TNFRSF19: variants seen among roughly 807,000 people sequenced by gnomAD.
TNFRSF19 encodes the protein TNF receptor superfamily member 19, also known as tumor necrosis factor receptor superfamily member 19.
Under a neutral mutation model 46.4 loss-of-function variants are expected in TNFRSF19, and 27 were observed. The observed-to-expected ratio is 0.58, with a 90% CI of 0.43 to 0.80. The LOEUF (loss-of-function observed/expected upper bound fraction) is 0.80. Ranked by LOEUF, TNFRSF19 falls within the 30% of genes least tolerant of loss-of-function variation. The probability of loss-of-function intolerance (pLI) is 0.00; values close to 1 mark genes in which losing one functional copy is unlikely to be tolerated. For synonymous variants in TNFRSF19, 204 were observed against 205.0 expected, an observed-to-expected ratio of 1.00 and a Z score of 0.04; for missense variants, 511 against 530.8, an observed-to-expected ratio of 0.96 and a Z score of 0.37.
At chr13:23,622,988 A>G (rs1257309242) in intron 4 of TNFRSF19, among the ~76,000 whole-genome samples, 1 of 152,206 alleles carries the variant, frequency 6.6e-6, no homozygotes, top group Non-Finnish European at 1.5e-5. Flanking sequence ...AAAATTTACC[A>G]TCTTCACCAT....
chr13:23,673,528 A>G lies in TNFRSF19; in HGVS notation c.*148A>G. On this transcript the variant is annotated 3_prime_UTR_variant, in exon 10 of 10. Coordinates refer to ENST00000248484, the MANE Select transcript of TNFRSF19 (RefSeq NM_148957.4). ...AAACTGACGGCATTTGAAGCCTTTC[A>G]GCCAGTTGCTTCTGAGCCAGACCAG... 7.6e-7 allele frequency: 1 copy of G among 1,321,600 alleles called. No individual in the cohort carries two copies. The highest frequency in any genetic ancestry group is 9.8e-7 in the Non-Finnish European group (1 of 1,025,404). The allele number at this position is 1,321,600 out of a possible 1,614,324, so 81.9% of individuals were successfully genotyped here. A position where few individuals can be genotyped will look rare whatever the true frequency, so the allele number is the denominator to read the frequency against.
At position 23,660,354 on chromosome 13, in the gene TNFRSF19, C is replaced by A; in HGVS notation, c.611-11C>A. ...CTGTGTTCCCTGACAGAGTTCTCAC[C>A]CCTCATTTAGGGTCTCTGCGGTCAC... On this transcript the variant is annotated splice_polypyrimidine_tract_variant and intron_variant, in intron 6 of 9. Transcript: ENST00000248484. 1 of 1,611,310 alleles carries A rather than the reference C, an allele frequency of 6.2e-7. No individual in the cohort carries two copies. The highest frequency in any genetic ancestry group is 1.7e-5 in the Admixed American group (1 of 59,790).
Position 23,593,424 on chromosome 13 carries a change from A to G in TNFRSF19, c.149A>G (p.Asn50Ser). ...RDRSGNCVPC[N>S]QCGPGMELSK... is the part of the protein sequence containing the mutation. The stretch of plus-strand genomic sequence containing the variant: ...CGGTCTGGAAACTGTGTTCCCTGCA[A>G]CCAGTGTGGGCCAGGCATGGAGTTG... The change falls in exon 3 of 10, where the codon AAC becomes AGC. Residue 50 changes from asparagine (N) to serine (S), a missense_variant. Coordinates refer to ENST00000248484, the MANE Select transcript of TNFRSF19 (RefSeq NM_148957.4). The G allele has an allele frequency of 6.2e-7, 1 of 1,604,032 alleles. No individual in the cohort carries two copies. The highest frequency in any genetic ancestry group is 8.5e-7 in the Non-Finnish European group (1 of 1,177,442).
chr13:23,653,883 C>A (rs1443370116), intron 5 of TNFRSF19, among the ~76,000 whole-genome samples: 1 of 152,168 alleles, frequency 6.6e-6, no homozygotes, highest in African/African-American at 2.4e-5. Context: ...GCCACAGTGG[C>A]CATGGGACTT....
intron 5 of TNFRSF19, among the ~76,000 whole-genome samples, chr13:23,634,587 C>T (rs1390930097): frequency 6.6e-6 from 1 of 152,210 alleles, no homozygotes; most frequent in African/African-American, 2.4e-5. Flanking sequence ...TGAAACAGTG[C>T]ATTGGTGGCC....
rs374264420 is a variant in TNFRSF19 at position 23,660,442 on chromosome 13, G to A, written c.688G>A (p.Ala230Thr). 6.2e-7 allele frequency: 1 copy of A among 1,613,608 alleles called. No homozygotes were observed. Among genetic ancestry groups the A allele is most frequent in the Non-Finnish European group, 8.5e-7 (1 of 1,180,016 alleles). ...CFDRPQLHEY[A>T]HRACCQCRRD... Reference sequence around the variant, plus strand: ...TGACAGACCTCAGCTCCACGAATATGCCCACAGAGCCTGCTGCCAGTGCCG... The same window carrying A: ...TGACAGACCTCAGCTCCACGAATATACCCACAGAGCCTGCTGCCAGTGCCG... The change falls in exon 7 of 10, where the codon GCC becomes ACC. Residue 230 changes from alanine to threonine, a missense_variant. Ala to Thr is a moderately conservative substitution (Grantham distance 58, BLOSUM62 0). Coordinates refer to ENST00000248484, the MANE Select transcript of TNFRSF19 (RefSeq NM_148957.4).
chr13:23,573,859 G>A (rs1161804827), intron 1 of TNFRSF19, among the ~76,000 whole-genome samples: 1 of 151,956 alleles, frequency 6.6e-6, no homozygotes, highest in Non-Finnish European at 1.5e-5. Context: ...TCAGGAGATC[G>A]AGACCATCCT....
chr13:23,601,642 A>G (rs7327694), intron 3 of TNFRSF19, among the ~76,000 whole-genome samples: 22,339 of 150,962 alleles, frequency 0.15, 2,054 homozygotes, highest in African/African-American at 0.25. Flanking sequence ...AATAGAAACA[A>G]TGTATTTGAT....
Position 23,614,220 on chromosome 13 carries a change from G to A in TNFRSF19, c.181-1647G>A, listed in dbSNP as rs140174425. ...TTTGTTGTGCACACTCCCGATGTAC[G>A]TTTGAAAGACAGGCAGAGTAATTGA... is the stretch of plus-strand genomic sequence containing the variant. On this transcript the variant is annotated intron_variant, in intron 3 of 9. Transcript: ENST00000248484. Among the ~76,000 whole-genome samples, 558 of 152,212 alleles carry A rather than the reference G, an allele frequency of 3.7e-3. 2 individuals carry two copies. Among genetic ancestry groups the A allele is most frequent in the Non-Finnish European group, 5.9e-3 (404 of 68,010 alleles).
chr13:23,579,204 A>G (rs1256874355), intron 1 of TNFRSF19, among the ~76,000 whole-genome samples: 3 of 151,196 alleles, frequency 2.0e-5, no homozygotes, highest in African/African-American at 7.3e-5. Context: ...CCTCCAAAGA[A>G]CCCAGCTGCA....
chr13:23,673,577 TAAC>T lies in TNFRSF19; in HGVS notation c.*200_*202del. The T allele has an allele frequency of 8.0e-7, 1 of 1,256,296 alleles. No individual in the cohort carries two copies. Among genetic ancestry groups the T allele is most frequent in the Non-Finnish European group, 1.0e-6 (1 of 995,868 alleles). The allele number at this position is 1,256,296 out of a possible 1,614,324, so 77.8% of individuals were successfully genotyped here. A position where few individuals can be genotyped will look rare whatever the true frequency, so the allele number is the denominator to read the frequency against. On this transcript the variant is annotated 3_prime_UTR_variant, in exon 10 of 10. Coordinates refer to ENST00000248484, the MANE Select transcript of TNFRSF19 (RefSeq NM_148957.4). Reference sequence around the variant, plus strand: ...AGCTGTAAGCTGAAACCTCAATGAATAACAAGAAAAGACTCCAGGCCGACTCAT... The same window carrying T: ...AGCTGTAAGCTGAAACCTCAATGAATAAGAAAAGACTCCAGGCCGACTCAT...
At chr13:23,586,257 C>CAAAAAAA (rs34228080) in intron 1 of TNFRSF19, among the ~76,000 whole-genome samples, 36 of 91,690 alleles carry the variant, frequency 3.9e-4, no homozygotes, top group African/African-American at 6.2e-4. Context: ...GACTCCGTCT[C>CAAAAAAA]AAAAAAAAAA....
chr13:23,650,058 A>T (rs542614816), intron 5 of TNFRSF19, among the ~76,000 whole-genome samples: 1 of 152,210 alleles, frequency 6.6e-6, no homozygotes, highest in Non-Finnish European at 1.5e-5. Flanking sequence ...TTAGAATAGA[A>T]TCCAGACTTC....
intron 3 of TNFRSF19, among the ~76,000 whole-genome samples, chr13:23,603,543 G>C (rs974108596): frequency 6.6e-6 from 1 of 151,904 alleles, no homozygotes; most frequent in African/African-American, 2.4e-5. Flanking sequence ...TATCTCTCAT[G>C]AACAAAGATA....
In TNFRSF19 at chr13:23,659,322, T is replaced by C; in HGVS notation, c.610+108T>C. ...CTTGGCTGAGACAAGCACCAGTGAGTTGTGAAAGAACGCAGGGCACAAGAA... is the reference window on the plus strand; with the variant it reads ...CTTGGCTGAGACAAGCACCAGTGAGCTGTGAAAGAACGCAGGGCACAAGAA... On this transcript the variant is annotated intron_variant, in intron 6 of 9. Transcript: ENST00000248484. The surrounding 1 kb of genome is among the most constrained non-coding windows in gnomAD (Gnocchi z 4.9). 5.5e-6 allele frequency: 7 copies of C among 1,263,204 alleles called. No individual in the cohort carries two copies. In the African/African-American group the frequency reaches 8.9e-5, roughly 16 times the overall value. 78.2% of individuals were successfully genotyped at this position (1,263,204 alleles called of 1,614,324 possible).
intron 9 of TNFRSF19, among the ~76,000 whole-genome samples, chr13:23,672,770 C>T (rs939229048): frequency 3.3e-5 from 5 of 152,166 alleles, no homozygotes; most frequent in African/African-American, 1.2e-4. Flanking sequence ...CGTCAGTGCC[C>T]TTTGTGATGA....
At chr13:23,672,800 A>G (rs531272104) in intron 9 of TNFRSF19, among the ~76,000 whole-genome samples, 2 of 152,308 alleles carry the variant, frequency 1.3e-5, no homozygotes, top group East Asian at 1.9e-4. Context: ...TAATGGCTAC[A>G]CTTTGCTGAG....
chr13:23,581,689 T>C lies in TNFRSF19; in HGVS notation c.-34-8461T>C, dbSNP rs757894204. ...GAATTTAGGGCATATTGGGGACTTT[T>C]TAAACATAAGTAAGGAATTCTGCTA... On this transcript the variant is annotated intron_variant, in intron 1 of 9. Transcript: ENST00000248484. Among the ~76,000 whole-genome samples the C allele has an allele frequency of 3.3e-5, 5 of 152,334 alleles. No homozygotes were observed. The East Asian group carries it at 9.7e-4, about 29-fold the overall frequency.
At chr13:23,580,276 T>G (rs969317746) in intron 1 of TNFRSF19, among the ~76,000 whole-genome samples, 1 of 152,142 alleles carries the variant, frequency 6.6e-6, no homozygotes, top group Non-Finnish European at 1.5e-5. Context: ...TGTTTGCATG[T>G]TAATAAAGGA....
Sources: gnomAD v4.1 joint callset for allele counts (sites outside exome capture counted in the v4.1 genomes callset) on GRCh38, gnomAD v4.1.1 for gene constraint, Gnocchi (gnomAD v3.1) non-coding constraint, MANE v1.5 for transcripts, NCBI Gene and HGNC (gene_info 2026-07-23, HGNC 2026-07-21) for gene names.